Variants in LDLRAD4 observed in about 807,000 individuals in gnomAD.
The protein encoded by LDLRAD4 is low-density lipoprotein receptor class A domain-containing protein 4.
A neutral mutation model predicts 17.0 loss-of-function variants in LDLRAD4; 5 were observed. The observed-to-expected ratio is 0.29, with a 90% CI of 0.15 to 0.62. The LOEUF (loss-of-function observed/expected upper bound fraction) is 0.62. Among genes scored for constraint, LDLRAD4 ranks in the 20% least tolerant of loss-of-function variants. The probability of loss-of-function intolerance (pLI) is 0.84; values close to 1 mark genes in which losing one functional copy is unlikely to be tolerated. For missense variants in LDLRAD4, 340 were observed against 424.7 expected (o/e 0.80, Z 1.75); for synonymous variants, 168 against 171.8 (o/e 0.98, Z 0.17).
intron 3 of LDLRAD4, among the ~76,000 whole-genome samples, chr18:13,590,564 A>G (rs887390981): frequency 2.5e-4 from 38 of 152,148 alleles, no homozygotes; most frequent in African/African-American, 8.7e-4. Context: ...CACAGTCCTC[A>G]CTGGTGTCTT....
intron 3 of LDLRAD4, among the ~76,000 whole-genome samples, chr18:13,500,418 C>T (rs551037657): frequency 4.6e-5 from 7 of 152,370 alleles, no homozygotes; most frequent in East Asian, 3.9e-4. Context: ...CCACACCTAA[C>T]GCTGCTGCTC....
At chr18:13,349,021 C>T (rs534583708) in intron 1 of LDLRAD4, among the ~76,000 whole-genome samples, 11 of 152,180 alleles carry the variant, frequency 7.2e-5, no homozygotes, top group Non-Finnish European at 1.5e-4. Flanking sequence ...CTTGCACTTC[C>T]CAGGTGAGGC....
chr18:13,266,134 C>T (rs1002710518), intron 1 of LDLRAD4, among the ~76,000 whole-genome samples: 4 of 152,190 alleles, frequency 2.6e-5, no homozygotes, highest in South Asian at 2.1e-4. Flanking sequence ...CTCCTTGACA[C>T]GGTTGTTCTG....
chr18:13,291,525 C>G (rs978230397), intron 1 of LDLRAD4, among the ~76,000 whole-genome samples: 1 of 152,088 alleles, frequency 6.6e-6, no homozygotes, highest in Non-Finnish European at 1.5e-5. Context: ...GGGACCTGGC[C>G]GGGTCCCTGG....
chr18:13,295,862 T>G (rs574612402), intron 1 of LDLRAD4, among the ~76,000 whole-genome samples: 1 of 152,362 alleles, frequency 6.6e-6, no homozygotes, highest in Non-Finnish European at 1.5e-5. Context: ...TGGGGTTTTG[T>G]GTGTGAGACT....
At chr18:13,619,315 G>C (rs2040372684) in intron 3 of LDLRAD4, among the ~76,000 whole-genome samples, 2 of 152,094 alleles carry the variant, frequency 1.3e-5, no homozygotes. Context: ...TGTGTTCCTA[G>C]GTAAACAAGC....
At chr18:13,411,664 C>T (rs1007209233) in intron 2 of LDLRAD4, among the ~76,000 whole-genome samples, 5 of 152,172 alleles carry the variant, frequency 3.3e-5, no homozygotes, top group African/African-American at 1.2e-4. Flanking sequence ...TCCTCATTTG[C>T]CTTCAGCCAT....
chr18:13,611,976 G>A, intron 3 of LDLRAD4: 2 of 985,490 alleles, frequency 2.0e-6, no homozygotes, highest in Non-Finnish European at 2.4e-6. Flanking sequence ...GGTGCTCCCA[G>A]CCGGGCGAGC....
intron 3 of LDLRAD4, among the ~76,000 whole-genome samples, chr18:13,603,259 T>C (rs2148650811): frequency 6.6e-6 from 1 of 152,328 alleles, no homozygotes; most frequent in South Asian, 2.1e-4. Context: ...GAAGAAGTTC[T>C]TTCCTGATGG....
intron 2 of LDLRAD4, among the ~76,000 whole-genome samples, chr18:13,390,418 C>T (rs185849383): frequency 5.1e-4 from 77 of 152,364 alleles, no homozygotes; most frequent in Middle Eastern, 3.4e-3. Flanking sequence ...GATTGTCCCA[C>T]GCTGTGTGGC....
chr18:13,491,877 A>G (rs1241675513), intron 3 of LDLRAD4, among the ~76,000 whole-genome samples: 3 of 152,148 alleles, frequency 2.0e-5, no homozygotes, highest in African/African-American at 7.2e-5. Context: ...TCTGATAATG[A>G]AATTTGCAGA....
chr18:13,529,175 G>T (rs55748320), intron 3 of LDLRAD4, among the ~76,000 whole-genome samples: 43,019 of 152,168 alleles, frequency 0.28, 6,442 homozygotes, highest in East Asian at 0.49. Flanking sequence ...ACCAGAGCTT[G>T]CCCCCAGCCA....
In LDLRAD4 at chr18:13,621,781, C is replaced by T. The variant is rs1428698115; in HGVS notation, c.336+510C>T. ...AAGGCCTCGGGAGCTTCCTGGGGAT[C>T]GGCGGTGGGGTTGTTGGCGGTGGGC... On this transcript the variant is annotated intron_variant, in intron 4 of 5. Transcript: ENST00000359446. This position sits in a 1 kb window ranked among gnomAD's most constrained non-coding sequence, Gnocchi z 5.5. 6.9e-6 allele frequency among the ~76,000 whole-genome samples: 1 copy of T among 145,754 alleles called. No individual in the cohort carries two copies. The highest frequency in any genetic ancestry group is 2.5e-5 in the African/African-American group (1 of 39,570).
At chr18:13,642,607 G>A (rs1374632382) in intron 4 of LDLRAD4, 2 of 1,230,122 alleles carry the variant, frequency 1.6e-6, no homozygotes, top group Admixed American at 4.2e-5. Context: ...GTCCACCTGC[G>A]AGCGCGGACT....
chr18:13,508,885 G>T (rs1348206389), intron 3 of LDLRAD4, among the ~76,000 whole-genome samples: 2 of 152,148 alleles, frequency 1.3e-5, no homozygotes, highest in South Asian at 4.1e-4. Flanking sequence ...TTTCCTAAGG[G>T]TATAGCTGCT....
chr18:13,435,549 C>T (rs958317327), intron 2 of LDLRAD4, among the ~76,000 whole-genome samples: 1 of 152,282 alleles, frequency 6.6e-6, no homozygotes, highest in South Asian at 2.1e-4. Context: ...TGGGCACAAA[C>T]GATCCTCTTG....
At chr18:13,321,914 GAATA>G (rs1568005108) in intron 1 of LDLRAD4, among the ~76,000 whole-genome samples, 1 of 84,226 alleles carries the variant, frequency 1.2e-5, no homozygotes, top group African/African-American at 4.3e-5. Flanking sequence ...AAAAGAAAAA[GAATA>G]AAAAGAATAA....
At chr18:13,471,132 C>T (rs2092760895) in intron 3 of LDLRAD4, 1 of 152,140 alleles carries the variant, frequency 6.6e-6, no homozygotes, top group South Asian at 2.1e-4. Context: ...CATCATTAAC[C>T]AGTGATTGTT....
chr18:13,240,557 T>C (rs1385190321), intron 1 of LDLRAD4: 1 of 152,428 alleles, frequency 6.6e-6, no homozygotes, highest in African/African-American at 2.4e-5. Context: ...TTGACTGTAG[T>C]GTGCATGTGT....
Sources: gnomAD v4.1 joint callset for allele counts (sites outside exome capture counted in the v4.1 genomes callset) on GRCh38, gnomAD v4.1.1 for gene constraint, Gnocchi (gnomAD v3.1) non-coding constraint, MANE v1.5 for transcripts, NCBI Gene and HGNC (gene_info 2026-07-23, HGNC 2026-07-21) for gene names.